ITPKB: variants seen among roughly 807,000 people sequenced by gnomAD.
ITPKB encodes inositol-trisphosphate 3-kinase B.
Under a neutral mutation model 69.4 loss-of-function variants are expected in ITPKB, and 13 were observed. The observed-to-expected ratio is 0.19, with a 90% CI of 0.12 to 0.30. The LOEUF (loss-of-function observed/expected upper bound fraction) is 0.30. ITPKB is among the 10% of genes least tolerant of loss of function. The pLI is 1.00. For synonymous variants in ITPKB, 584 were observed against 513.7 expected (o/e 1.14, Z -1.85); for missense variants, 1,240 against 1,250.5 (o/e 0.99, Z 0.13).
chr1:226,650,108 C>A (rs935214166), intron 2 of ITPKB, among the ~76,000 whole-genome samples: 3 of 152,178 alleles, frequency 2.0e-5, no homozygotes, highest in Non-Finnish European at 2.9e-5. Context: ...GATGTGGTTC[C>A]CACTCCTTGC....
At chr1:226,653,027 G>A (rs1307835502) in intron 2 of ITPKB, among the ~76,000 whole-genome samples, 11 of 152,196 alleles carry the variant, frequency 7.2e-5, no homozygotes, top group South Asian at 4.1e-4. Context: ...TTCTGCAGGC[G>A]TGCACCAGTA....
At chr1:226,726,573 G>A (rs973913159) in intron 2 of ITPKB, among the ~76,000 whole-genome samples, 1 of 151,932 alleles carries the variant, frequency 6.6e-6, no homozygotes, top group Non-Finnish European at 1.5e-5. Context: ...CTACTCGGGA[G>A]GCTGAGGTGT....
chr1:226,735,539 C>T lies in ITPKB; in HGVS notation c.1920G>A (p.Gln640=). ...GAGCAAGACTTACCACTCTAGGTTT[C>T]TGCTGGTCCAGGGTATGCAGGAAGG... ...NSAFLHTLDQ[Q]KPRVSKSWRK... is the part of the protein sequence containing the mutation. Residue 640 remains glutamine (Q), a synonymous_variant, in exon 2 of 8, where the codon CAG becomes CAA. Coordinates refer to ENST00000429204, the MANE Select transcript of ITPKB (RefSeq NM_002221.4). The T allele has an allele frequency of 6.6e-7, 1 of 1,516,744 alleles. No individual in the cohort carries two copies. The highest frequency in any genetic ancestry group is 8.8e-7 in the Non-Finnish European group (1 of 1,131,102). The allele number at this position is 1,516,744 out of a possible 1,614,324, so 94.0% of individuals were successfully genotyped here. A position where few individuals can be genotyped will look rare whatever the true frequency, so the allele number is the denominator to read the frequency against.
In ITPKB at chr1:226,736,962, C is replaced by A; in HGVS notation, c.497G>T (p.Ser166Ile). ...AQSSAIQAPRSPRLGRARSPS... is the reference protein window; with the variant it reads ...AQSSAIQAPRIPRLGRARSPS... ...CGAGCGAGCCCTGCCCAAACGCGGG[C>A]TGCGGGGCGCTTGAATGGCGGAGCT... Residue 166 changes from serine (S) to isoleucine (I), a missense_variant, in exon 2 of 8, where the codon AGC (serine) becomes ATC (isoleucine). Ser to Ile is a moderately radical substitution (Grantham distance 142, BLOSUM62 -2). Transcript: ENST00000429204. 1 of 1,612,164 alleles carries A rather than the reference C, an allele frequency of 6.2e-7. No individual in the cohort carries two copies. Among genetic ancestry groups the A allele is most frequent in the South Asian group, 1.1e-5 (1 of 91,086 alleles).
chr1:226,695,195 A>C (rs899466325), intron 2 of ITPKB, among the ~76,000 whole-genome samples: 1 of 152,154 alleles, frequency 6.6e-6, no homozygotes, highest in African/African-American at 2.4e-5. Context: ...GTGCCACTGC[A>C]CTCCAGCCTG....
At chr1:226,703,673 C>CAGT (rs1251971271) in intron 2 of ITPKB, among the ~76,000 whole-genome samples, 32 of 152,228 alleles carry the variant, frequency 2.1e-4, no homozygotes, top group Non-Finnish European at 4.4e-4. Context: ...GCAGCAGAGG[C>CAGT]AGTAGCGGGG....
rs1257969388 is a variant in ITPKB, at chr1:226,653,111, G to A, written c.1933-4340C>T. Among the ~76,000 whole-genome samples the A allele has an allele frequency of 2.0e-5, 3 of 152,212 alleles. 1 individual carries two copies. The highest frequency in any genetic ancestry group is 2.0e-4 in the Admixed American group (3 of 15,282). On this transcript the variant is annotated intron_variant, in intron 2 of 7. Transcript: ENST00000429204. The stretch of plus-strand genomic sequence containing the variant: ...CGCTATGTGACAGGCCCGGGTTAGA[G>A]AATTATGGCCTTGTTCCTATGTTCT...
At chr1:226,718,333 G>A (rs936524508) in intron 2 of ITPKB, among the ~76,000 whole-genome samples, 1 of 148,968 alleles carries the variant, frequency 6.7e-6, no homozygotes, top group African/African-American at 2.5e-5. Context: ...AAACTGCAAT[G>A]AAGGCTGGCG....
chr1:226,717,690 G>A (rs1451240264), intron 2 of ITPKB, among the ~76,000 whole-genome samples: 5 of 152,226 alleles, frequency 3.3e-5, no homozygotes, highest in Admixed American at 6.5e-5. Context: ...GGAGCTGGGA[G>A]GTGATGGCAT....
At chr1:226,719,156 G>A (rs1657167831) in intron 2 of ITPKB, among the ~76,000 whole-genome samples, 1 of 152,228 alleles carries the variant, frequency 6.6e-6, no homozygotes, top group South Asian at 2.1e-4. Context: ...GCGTACGCCT[G>A]TAATCCCAGC....
At chr1:226,645,684 AC>A (rs1326137914) in intron 4 of ITPKB, among the ~76,000 whole-genome samples, 5 of 152,130 alleles carry the variant, frequency 3.3e-5, no homozygotes, top group African/African-American at 1.2e-4. Flanking sequence ...ATTCTGGTGC[AC>A]CAGTGGATGC....
rs561602753 is a variant in ITPKB, at chr1:226,664,319, G to T, written c.1933-15548C>A. On this transcript the variant is annotated intron_variant, in intron 2 of 7. Transcript: ENST00000429204. ...CACTTGGAGGAATGGTCTGCTTTGT[G>T]CAGTCAGGATTTAGGTCTCACTAAG... 3.3e-5 allele frequency among the ~76,000 whole-genome samples: 5 copies of T among 152,350 alleles called. No homozygotes were observed. The East Asian group carries it at 9.6e-4, about 29-fold the overall frequency.
intron 2 of ITPKB, among the ~76,000 whole-genome samples, chr1:226,718,593 G>A (rs911117001): frequency 1.3e-5 from 2 of 152,084 alleles, no homozygotes; most frequent in Non-Finnish European, 1.5e-5. Context: ...TACAGAACAA[G>A]ACCCTGTCTC....
At chr1:226,682,331 G>A (rs1052948908) in intron 2 of ITPKB, among the ~76,000 whole-genome samples, 4 of 152,214 alleles carry the variant, frequency 2.6e-5, no homozygotes, top group African/African-American at 9.7e-5. Flanking sequence ...ATAACATTCA[G>A]CAGGTCATTC....
chr1:226,711,973 C>T (rs927521687), intron 2 of ITPKB, among the ~76,000 whole-genome samples: 1 of 152,122 alleles, frequency 6.6e-6, no homozygotes, highest in Non-Finnish European at 1.5e-5. Context: ...GGCCTCCCTG[C>T]GGGGAAGGTT....
At chr1:226,703,295 CG>C (rs1432786362) in intron 2 of ITPKB, among the ~76,000 whole-genome samples, 1 of 152,232 alleles carries the variant, frequency 6.6e-6, no homozygotes, top group Non-Finnish European at 1.5e-5. Context: ...AGGAACCAGG[CG>C]TGCCTCCATT....
chr1:226,691,558 T>C (rs1364459696), intron 2 of ITPKB, among the ~76,000 whole-genome samples: 2 of 152,256 alleles, frequency 1.3e-5, no homozygotes, highest in East Asian at 3.9e-4. Context: ...CCCCTGAAAT[T>C]TGCAAAACAG....
intron 2 of ITPKB, among the ~76,000 whole-genome samples, chr1:226,695,673 G>A (rs775914796): frequency 5.9e-5 from 9 of 152,186 alleles, no homozygotes; most frequent in Non-Finnish European, 8.8e-5. Context: ...CCTACAGAAC[G>A]TGGCTCTGCT....
chr1:226,640,055 C>G (rs1012752577), intron 5 of ITPKB, among the ~76,000 whole-genome samples: 2 of 152,142 alleles, frequency 1.3e-5, no homozygotes, highest in Non-Finnish European at 2.9e-5. Flanking sequence ...AACCGGTGCC[C>G]GGAGGTCCCT....
Sources: allele counts gnomAD v4.1 joint callset (sites outside exome capture counted in the v4.1 genomes callset), GRCh38; gene constraint gnomAD v4.1.1; transcripts MANE v1.5; gene names NCBI Gene and HGNC (gene_info 2026-07-23, HGNC 2026-07-21).